The following CFI variants were observed in gnomAD, a reference collection of about 807,000 sequenced individuals.
The protein encoded by CFI is C3B/C4B inactivator.
A neutral mutation model predicts 78.8 loss-of-function variants in CFI; 66 were observed. The ratio of observed to expected loss-of-function variants is 0.84; its 90% CI spans 0.69 to 1.03. The LOEUF (loss-of-function observed/expected upper bound fraction) is 1.03, where lower values mean the gene tolerates loss of function less well. CFI is among the 50% of genes least tolerant of loss of function. The probability of loss-of-function intolerance (pLI) is 0.00; values close to 1 mark genes in which losing one functional copy is unlikely to be tolerated. For missense variants in CFI, 706 were observed against 704.5 expected, an observed-to-expected ratio of 1.00 and a Z score of -0.02; for synonymous variants, 250 against 232.6, an observed-to-expected ratio of 1.07 and a Z score of -0.68.
rs17610314 is a variant in CFI at position 109,761,797 on chromosome 4, A to G, written c.483-105T>C. 0.23 allele frequency: 216,808 copies of G among 942,246 alleles called. 26,786 individuals carry two copies. The highest frequency in any genetic ancestry group is 0.35 in the Admixed American group (18,820 of 53,982). The allele number at this position is 942,246 out of a possible 1,614,324, so 58.4% of individuals were successfully genotyped here. On this transcript the variant is annotated intron_variant, in intron 3 of 12. Coordinates refer to ENST00000394634, the MANE Select transcript of CFI (RefSeq NM_000204.5). ...CTAGAGTAATGTCCTCTCATTCTCT[A>G]TATAGGAGTTACAGCTTGGGCAAGA...
chr4:109,788,570 C>T (rs972988691), intron 1 of CFI, among the ~76,000 whole-genome samples: 1 of 151,938 alleles, frequency 6.6e-6, no homozygotes, highest in African/African-American at 2.4e-5. Flanking sequence ...AAGAAACCAG[C>T]ACTTTATCTG....
intron 1 of CFI, among the ~76,000 whole-genome samples, chr4:109,776,228 A>C (rs971991513): frequency 3.3e-5 from 5 of 152,236 alleles, no homozygotes; most frequent in Non-Finnish European, 5.9e-5. Flanking sequence ...CCTTGAAAAA[A>C]GATTAGATGA....
intron 6 of CFI, among the ~76,000 whole-genome samples, chr4:109,758,631 T>C (rs1292878893): frequency 1.3e-5 from 2 of 152,196 alleles, no homozygotes; most frequent in African/African-American, 4.8e-5. Context: ...AAAATGGACA[T>C]AGGCAACAAT....
At chr4:109,775,594 G>A (rs2125833893) in intron 1 of CFI, among the ~76,000 whole-genome samples, 1 of 152,322 alleles carries the variant, frequency 6.6e-6, no homozygotes, top group South Asian at 2.1e-4. Context: ...TGAACAAAAG[G>A]CAGCAGAAAC....
chr4:109,762,039 A>C (rs937054953), intron 3 of CFI: 3 of 296,104 alleles, frequency 1.0e-5, no homozygotes, highest in African/African-American at 6.6e-5. Flanking sequence ...AAAAATACAA[A>C]AATTAGCTGG....
intron 3 of CFI, chr4:109,762,339 C>G (rs1727188984): frequency 6.6e-6 from 1 of 152,406 alleles, no homozygotes; most frequent in Non-Finnish European, 1.5e-5. Context: ...TTTGCTTTTA[C>G]AGTAAGCTAC....
chr4:109,757,881 A>G, intron 6 of CFI, 98 bp from the exon 7 acceptor site: 1 of 1,325,874 alleles, frequency 7.5e-7, no homozygotes, highest in Non-Finnish European at 1.0e-6. Context: ...AAACCATTGC[A>G]CCTTATTTCT....
At chr4:109,745,041 A>G (rs1724240854) in intron 11 of CFI, among the ~76,000 whole-genome samples, 1 of 152,226 alleles carries the variant, frequency 6.6e-6, no homozygotes, top group Non-Finnish European at 1.5e-5. Context: ...ACACCTTCCA[A>G]TGTGGCAATT....
chr4:109,737,816 C>CAGTT (rs1384546724), downstream of CFI, among the ~76,000 whole-genome samples: 1 of 152,092 alleles, frequency 6.6e-6, no homozygotes, highest in Non-Finnish European at 1.5e-5. Context: ...TTCATTAAAC[C>CAGTT]AGTTAGATTG....
At chr4:109,752,761 A>C (rs1051152900) in intron 7 of CFI, among the ~76,000 whole-genome samples, 3 of 149,564 alleles carry the variant, frequency 2.0e-5, no homozygotes, top group Non-Finnish European at 4.4e-5. Context: ...GTGAATGTTG[A>C]GACTCATGGT....
intron 7 of CFI, among the ~76,000 whole-genome samples, chr4:109,754,504 C>G (rs1381984702): frequency 6.7e-6 from 1 of 148,494 alleles, no homozygotes; most frequent in Non-Finnish European, 1.5e-5. Flanking sequence ...CATTCTAGAA[C>G]ATTTCTGTGT....
chr4:109,757,983 A>T (rs1278622419), intron 6 of CFI, 200 bp from the exon 7 acceptor site: 1 of 1,449,624 alleles, frequency 6.9e-7, no homozygotes, highest in Admixed American at 2.7e-5. Flanking sequence ...CAAAAAACTC[A>T]CTATAGCAAA....
intron 1 of CFI, among the ~76,000 whole-genome samples, chr4:109,792,753 T>C (rs1731542839): frequency 6.6e-6 from 1 of 152,204 alleles, no homozygotes; most frequent in Non-Finnish European, 1.5e-5. Flanking sequence ...GTAACGGTTT[T>C]TGACTTAAGG....
intron 1 of CFI, among the ~76,000 whole-genome samples, chr4:109,785,863 A>G (rs1296319772): frequency 3.3e-5 from 5 of 151,992 alleles, no homozygotes; most frequent in Non-Finnish European, 5.9e-5. Context: ...CCGCTTTGTG[A>G]GAAGGTGCCT....
the CFI span, among the ~76,000 whole-genome samples, chr4:109,733,628 G>C: frequency 6.6e-6 from 1 of 152,078 alleles, no homozygotes; most frequent in East Asian, 1.9e-4. Context: ...GAAGGGATTT[G>C]CTGATGGACT....
chr4:109,760,693 C>CT (rs1726947641), intron 4 of CFI, 57 bp from the exon 5 acceptor site: 1 of 1,003,840 alleles, frequency 1.0e-6, no homozygotes, highest in South Asian at 1.3e-5. Flanking sequence ...GCATGACATC[C>CT]TTATCAGATT....
At chr4:109,733,436 G>A in the CFI span, among the ~76,000 whole-genome samples, 5 of 152,342 alleles carry the variant, frequency 3.3e-5, no homozygotes, top group Admixed American at 3.3e-4. Context: ...TGTGTTCCAG[G>A]TCTTTCCTGC....
At chr4:109,777,851 C>G (rs530472868) in intron 1 of CFI, among the ~76,000 whole-genome samples, 2 of 151,400 alleles carry the variant, frequency 1.3e-5, no homozygotes, top group Non-Finnish European at 2.9e-5. Flanking sequence ...CTCAACTACA[C>G]GGAAACTGAA....
At chr4:109,785,455 C>A (rs1231511575) in intron 1 of CFI, among the ~76,000 whole-genome samples, 2 of 151,990 alleles carry the variant, frequency 1.3e-5, no homozygotes, top group Non-Finnish European at 2.9e-5. Flanking sequence ...TATATAAATA[C>A]ATTCACATAT....
Sources: gnomAD v4.1 joint callset for allele counts (sites outside exome capture counted in the v4.1 genomes callset) on GRCh38, gnomAD v4.1.1 for gene constraint, MANE v1.5 for transcripts, NCBI Gene and HGNC (gene_info 2026-07-23, HGNC 2026-07-21) for gene names.